AFG1L: variants seen among roughly 807,000 people sequenced by gnomAD.
The protein encoded by AFG1L is AFG1 like ATPase.
A neutral mutation model predicts 62.2 loss-of-function variants in AFG1L; 53 were observed. The observed-to-expected ratio is 0.85, with a 90% CI of 0.68 to 1.07. The LOEUF is 1.07. Ranked by LOEUF, AFG1L falls within the 50% of genes least tolerant of loss-of-function variation. The pLI is 0.00. For synonymous variants in AFG1L, 228 were observed against 210.3 expected (o/e 1.08, Z -0.73); for missense variants, 555 against 590.5 (o/e 0.94, Z 0.62).
At chr6:108,366,975 T>C (rs897741378) in intron 6 of AFG1L, among the ~76,000 whole-genome samples, 1 of 152,250 alleles carries the variant, frequency 6.6e-6, no homozygotes, top group South Asian at 2.1e-4. Flanking sequence ...GGCTAAGCCC[T>C]CACCTCCTTT....
chr6:108,355,117 T>C lies in AFG1L; in HGVS notation c.416-537T>C, dbSNP rs569084491. Among the ~76,000 whole-genome samples the C allele has an allele frequency of 1.3e-3, 196 of 151,936 alleles. 6 individuals carry two copies. The highest frequency in any genetic ancestry group is 0.011 in the Admixed American group (165 of 15,274). On this transcript the variant is annotated intron_variant, in intron 3 of 12. Coordinates refer to ENST00000368977, the MANE Select transcript of AFG1L (RefSeq NM_145315.5). ...CATCTTTCTTCTCTTTTTTTTTTTT[T>C]TGTTTTGAGATGGGGGTCTCGCTAT...
chr6:108,476,223 GACTA>G (rs775566381), intron 8 of AFG1L, among the ~76,000 whole-genome samples: 1 of 152,154 alleles, frequency 6.6e-6, no homozygotes, highest in Non-Finnish European at 1.5e-5. Context: ...TCTGTGATGA[GACTA>G]ACTTCATAGT....
At chr6:108,359,554 C>G (rs1019693542) in intron 5 of AFG1L, 5 of 152,208 alleles carry the variant, frequency 3.3e-5, no homozygotes, top group Non-Finnish European at 7.3e-5. Context: ...CTTGAAGGCC[C>G]TTATTCCGTA....
intron 2 of AFG1L, among the ~76,000 whole-genome samples, chr6:108,338,299 A>G (rs944761259): frequency 2.6e-5 from 4 of 152,184 alleles, no homozygotes; most frequent in African/African-American, 9.7e-5. Flanking sequence ...TTCATAAGTC[A>G]TTTGCTAAGA....
chr6:108,382,142 A>G (rs1780568091), intron 6 of AFG1L, among the ~76,000 whole-genome samples: 1 of 151,826 alleles, frequency 6.6e-6, no homozygotes, highest in African/African-American at 2.4e-5. Flanking sequence ...CTGGGATTAC[A>G]GGCACGCGCC....
intron 8 of AFG1L, among the ~76,000 whole-genome samples, chr6:108,469,541 G>C (rs1478520545): frequency 6.6e-6 from 1 of 152,166 alleles, no homozygotes; most frequent in Non-Finnish European, 1.5e-5. Flanking sequence ...AAATGTATTA[G>C]AGAAAGTATG....
At chr6:108,339,458 ATTTT>A (rs538205129) in intron 2 of AFG1L, among the ~76,000 whole-genome samples, 29 of 132,432 alleles carry the variant, frequency 2.2e-4, no homozygotes, top group African/African-American at 8.1e-4. Flanking sequence ...AATTCTTTAA[ATTTT>A]TTTTTTTTTT....
intron 2 of AFG1L, among the ~76,000 whole-genome samples, chr6:108,328,183 A>G (rs773603438): frequency 5.3e-5 from 8 of 152,242 alleles, no homozygotes; most frequent in Non-Finnish European, 1.2e-4. Context: ...ATTTGCATAT[A>G]GTATATAAAC....
Position 108,313,613 on chromosome 6 carries a change from C to G in AFG1L, c.140-10212C>G, listed in dbSNP as rs867216796. ...GGAGTGCAGTGACATAATCACGGCT[C>G]ACTGCAGCCTTAACCTTCCTGGGCT... On this transcript the variant is annotated intron_variant, in intron 1 of 12. Coordinates refer to ENST00000368977, the MANE Select transcript of AFG1L (RefSeq NM_145315.5). Among the ~76,000 whole-genome samples, 76 of 152,268 alleles carry G rather than the reference C, an allele frequency of 5.0e-4. 1 individual carries two copies. Among genetic ancestry groups the G allele is most frequent in the Middle Eastern group, 3.4e-3 (1 of 294 alleles).
At chr6:108,349,870 T>A (rs1779012824) in intron 3 of AFG1L, among the ~76,000 whole-genome samples, 2 of 152,012 alleles carry the variant, frequency 1.3e-5, no homozygotes, top group African/African-American at 4.8e-5. Context: ...TGAGTTGAGA[T>A]TGCACCACTG....
chr6:108,456,152 C>T (rs1290246395), intron 8 of AFG1L, among the ~76,000 whole-genome samples: 1 of 152,062 alleles, frequency 6.6e-6, no homozygotes, highest in Non-Finnish European at 1.5e-5. Flanking sequence ...GATATGTTCT[C>T]TTGATGAATT....
chr6:108,397,847 T>TC (rs1781389178), intron 6 of AFG1L, among the ~76,000 whole-genome samples: 2 of 152,236 alleles, frequency 1.3e-5, no homozygotes, highest in African/African-American at 4.8e-5. Flanking sequence ...CTTTATCCAT[T>TC]CATCTGTTGA....
chr6:108,493,766 A>G (rs1773856493), intron 10 of AFG1L, among the ~76,000 whole-genome samples: 1 of 152,122 alleles, frequency 6.6e-6, no homozygotes, highest in Admixed American at 6.6e-5. Context: ...TTGGAGTTGT[A>G]TTGATGCTTA....
intron 2 of AFG1L, among the ~76,000 whole-genome samples, chr6:108,345,998 C>T (rs1228027009): frequency 1.3e-5 from 2 of 152,086 alleles, no homozygotes; most frequent in Non-Finnish European, 2.9e-5. Context: ...GGGAGCCCAT[C>T]TGGGAAAGAA....
chr6:108,454,125 T>C (rs1772164199), intron 8 of AFG1L, among the ~76,000 whole-genome samples: 1 of 152,260 alleles, frequency 6.6e-6, no homozygotes, highest in Admixed American at 6.5e-5. Flanking sequence ...GAGCTGGCTC[T>C]ACTCCTCCTC....
chr6:108,520,915 T>A (rs1775101335), intron 12 of AFG1L: 1 of 152,256 alleles, frequency 6.6e-6, no homozygotes, highest in South Asian at 2.1e-4. Context: ...GAGGGATCTC[T>A]CTGGGGCATG....
chr6:108,314,595 C>T (rs1198550121), intron 1 of AFG1L, among the ~76,000 whole-genome samples: 2 of 152,000 alleles, frequency 1.3e-5, no homozygotes, highest in Non-Finnish European at 2.9e-5. Flanking sequence ...AACGGGGTTT[C>T]ACCGTGTTGC....
intron 7 of AFG1L, among the ~76,000 whole-genome samples, chr6:108,444,578 A>C (rs1771684310): frequency 6.6e-6 from 1 of 152,250 alleles, no homozygotes. Flanking sequence ...TGGGCTGCAG[A>C]ATGGATGTTA....
intron 7 of AFG1L, among the ~76,000 whole-genome samples, chr6:108,439,766 A>T (rs1221730007): frequency 6.6e-6 from 1 of 152,206 alleles, no homozygotes; most frequent in Non-Finnish European, 1.5e-5. Context: ...CTTATATATC[A>T]TTGTTTAAGC....
Sources: gnomAD v4.1 joint callset for allele counts (sites outside exome capture counted in the v4.1 genomes callset) on GRCh38, gnomAD v4.1.1 for gene constraint, MANE v1.5 for transcripts, NCBI Gene and HGNC (gene_info 2026-07-23, HGNC 2026-07-21) for gene names.